BTC: variants seen among roughly 807,000 people sequenced by gnomAD.
BTC encodes probetacellulin.
BTC carries 13 observed loss-of-function variants against 18.1 expected under a neutral mutation model. The observed-to-expected ratio is 0.72, with a 90% CI of 0.47 to 1.14. The LOEUF is 1.14. Ranked by LOEUF, BTC falls within the 50% of genes most tolerant of loss-of-function variation. The pLI, the probability that BTC is intolerant of heterozygous loss-of-function variation, is 0.00. For synonymous variants in BTC, 83 were observed against 79.4 expected (o/e 1.05, Z -0.24); for missense variants, 247 against 224.2 (o/e 1.10, Z -0.65).
intron 1 of BTC, among the ~76,000 whole-genome samples, chr4:74,778,976 T>G (rs1000667445): frequency 1.3e-5 from 2 of 152,150 alleles, no homozygotes; most frequent in African/African-American, 4.8e-5. Context: ...GAGAACTGCC[T>G]ATTCTCTAAA....
chr4:74,763,214 A>G (rs1724809711), intron 2 of BTC, among the ~76,000 whole-genome samples: 2 of 152,278 alleles, frequency 1.3e-5, no homozygotes, highest in South Asian at 4.1e-4. Context: ...TTGACATTAT[A>G]TTATTATTGT....
chr4:74,793,159 C>T (rs996170828), intron 1 of BTC, among the ~76,000 whole-genome samples: 1 of 152,252 alleles, frequency 6.6e-6, no homozygotes, highest in South Asian at 2.1e-4. Context: ...TACACATTCA[C>T]TCTACCACTA....
At chr4:74,770,277 C>A in intron 1 of BTC, 121 bp from the exon 2 acceptor site, 1 of 739,310 alleles carries the variant, frequency 1.4e-6, no homozygotes, top group Non-Finnish European at 2.2e-6. Context: ...TTTCCATTTC[C>A]AAGTCACTCA....
intron 2 of BTC, among the ~76,000 whole-genome samples, chr4:74,769,638 C>T (rs921173448): frequency 6.6e-6 from 1 of 152,116 alleles, no homozygotes; most frequent in African/African-American, 2.4e-5. Flanking sequence ...CTTCTTTTAA[C>T]TATGAAATAG....
chr4:74,788,938 T>C (rs1383571643), intron 1 of BTC, among the ~76,000 whole-genome samples: 1 of 152,198 alleles, frequency 6.6e-6, no homozygotes, highest in African/African-American at 2.4e-5. Context: ...GATTCTTACA[T>C]TTTCATTATC....
At chr4:74,755,493 T>C (rs1301419627) in intron 3 of BTC, among the ~76,000 whole-genome samples, 2 of 152,204 alleles carry the variant, frequency 1.3e-5, no homozygotes, top group Non-Finnish European at 2.9e-5. Flanking sequence ...GGCAGGAATT[T>C]CCTCGTATTT....
At chr4:74,781,746 C>G (rs1725338350) in intron 1 of BTC, among the ~76,000 whole-genome samples, 1 of 151,252 alleles carries the variant, frequency 6.6e-6, no homozygotes, top group African/African-American at 2.4e-5. Context: ...AATTTATTAT[C>G]CTAACCTTTT....
intron 2 of BTC, among the ~76,000 whole-genome samples, chr4:74,767,358 C>T (rs1724927225): frequency 1.3e-5 from 2 of 151,432 alleles, no homozygotes; most frequent in African/African-American, 4.9e-5. Context: ...GAATAAAACA[C>T]GTAGGAATAA....
chr4:74,779,375 C>A (rs1725260279), intron 1 of BTC, among the ~76,000 whole-genome samples: 1 of 152,092 alleles, frequency 6.6e-6, no homozygotes, highest in African/African-American at 2.4e-5. Context: ...AAATCTGTGA[C>A]AAATTGATTG....
intron 1 of BTC, among the ~76,000 whole-genome samples, chr4:74,789,644 T>C (rs1001428706): frequency 1.3e-5 from 2 of 152,200 alleles, no homozygotes; most frequent in Non-Finnish European, 2.9e-5. Context: ...CTTGAGCATC[T>C]GAAAAAATTA....
intron 1 of BTC, among the ~76,000 whole-genome samples, chr4:74,785,038 G>A (rs28780724): frequency 0.27 from 40,849 of 151,982 alleles, 8,047 homozygotes; most frequent in African/African-American, 0.56. Context: ...GAATTCAGCC[G>A]TGAATCTTTC....
chr4:74,774,428 G>A (rs1193625562), intron 1 of BTC, among the ~76,000 whole-genome samples: 6 of 152,154 alleles, frequency 3.9e-5, no homozygotes, highest in African/African-American at 9.7e-5. Context: ...ACATCAAAAC[G>A]AGTCAAAAGT....
rs572703299 is a variant in BTC, at chr4:74,750,477, A to G, written c.428+96T>C. The G allele has an allele frequency of 5.3e-6, 7 of 1,315,642 alleles. 1 individual carries two copies. The South Asian group carries it at 1.2e-4, about 22-fold the overall frequency. 81.5% of individuals were successfully genotyped at this position (1,315,642 alleles called of 1,614,324 possible). A position where few individuals can be genotyped will look rare whatever the true frequency, so the allele number is the denominator to read the frequency against. ...AAGTAAATTTATTTGAATCAAAGAA[A>G]AAGCAAAAGAGAATGTAAAGAGGAA... On this transcript the variant is annotated intron_variant, in intron 4 of 5. Coordinates refer to ENST00000395743, the MANE Select transcript of BTC (RefSeq NM_001729.4).
At chr4:74,780,957 G>A (rs1369236334) in intron 1 of BTC, among the ~76,000 whole-genome samples, 1 of 150,742 alleles carries the variant, frequency 6.6e-6, no homozygotes, top group Non-Finnish European at 1.5e-5. Flanking sequence ...TGTGCACAAT[G>A]TGAGAGTTTC....
rs1261885614 is a variant in BTC, at chr4:74,746,129, T to C, written c.*548A>G. On this transcript the variant is annotated 3_prime_UTR_variant, in exon 6 of 6. Coordinates refer to ENST00000395743, the MANE Select transcript of BTC (RefSeq NM_001729.4). ...TGATGGTTAAGAGCATAGATTTTGA[T>C]TTAGATAAATCTTGATTTCTAGTCT... The C allele has an allele frequency of 4.6e-5, 7 of 152,206 alleles. No homozygotes were observed. Among genetic ancestry groups the C allele is most frequent in the Admixed American group, 1.3e-4 (2 of 15,278 alleles). 9.4% of individuals were successfully genotyped at this position (152,206 alleles called of 1,614,324 possible). A position where few individuals can be genotyped will look rare whatever the true frequency, so the allele number is the denominator to read the frequency against.
At chr4:74,784,788 G>A (rs189653432) in intron 1 of BTC, among the ~76,000 whole-genome samples, 30 of 152,304 alleles carry the variant, frequency 2.0e-4, no homozygotes, top group Admixed American at 7.2e-4. Context: ...CTTGGTCGTG[G>A]TGGATAAGCT....
intron 2 of BTC, among the ~76,000 whole-genome samples, chr4:74,762,635 G>A (rs1724791252): frequency 6.6e-6 from 1 of 152,044 alleles, no homozygotes; most frequent in Non-Finnish European, 1.5e-5. Flanking sequence ...AGGAGAATGA[G>A]AAAGAGGGTG....
chr4:74,770,219 C>T (rs1293826309), intron 1 of BTC, 63 bp from the exon 2 acceptor site: 2 of 1,283,842 alleles, frequency 1.6e-6, no homozygotes, highest in African/African-American at 1.5e-5. Context: ...AACAGTCTAT[C>T]AAAGTCATCA....
intron 1 of BTC, among the ~76,000 whole-genome samples, chr4:74,787,459 T>G (rs111445329): frequency 6.6e-6 from 1 of 152,240 alleles, no homozygotes; most frequent in Non-Finnish European, 1.5e-5. Context: ...CAATTAGATA[T>G]ACAGTTGAAA....
Sources: allele counts gnomAD v4.1 joint callset (sites outside exome capture counted in the v4.1 genomes callset), GRCh38; gene constraint gnomAD v4.1.1; transcripts MANE v1.5; gene names NCBI Gene and HGNC (gene_info 2026-07-23, HGNC 2026-07-21).